Variants in PLCG2 observed in about 807,000 individuals in gnomAD.
PLCG2 encodes phospholipase C gamma 2.
In PLCG2, 69 loss-of-function variants were observed where a neutral mutation model predicts 175.6. The observed-to-expected ratio is 0.39, with a 90% CI of 0.32 to 0.48. The LOEUF (loss-of-function observed/expected upper bound fraction) is 0.48, where lower values mean the gene tolerates loss of function less well. Among genes scored for constraint, PLCG2 ranks in the 20% least tolerant of loss-of-function variants. PLCG2 has a pLI of 0.91. For synonymous variants in PLCG2, 827 were observed against 624.0 expected, an observed-to-expected ratio of 1.33 and a Z score of -4.85; for missense variants, 1,798 against 1,650.9, an observed-to-expected ratio of 1.09 and a Z score of -1.54.
chr16:81,740,801 A>G (rs1909577179), intron 1 of PLCG2, among the ~76,000 whole-genome samples: 1 of 139,032 alleles, frequency 7.2e-6, no homozygotes, highest in African/African-American at 2.7e-5. Context: ...TCCTCTTCCC[A>G]CTGTGGGTGC....
chr16:81,754,248 CCTCCTTCCCTTCCCTCCCCAT>C (rs1909872882), intron 1 of PLCG2, among the ~76,000 whole-genome samples: 1 of 149,498 alleles, frequency 6.7e-6, no homozygotes, highest in African/African-American at 2.5e-5. Context: ...CCCATCCCCA[CCTCCTTCCCTTCCCTCCCCAT>C]CTCATTCCCT....
intron 2 of PLCG2, among the ~76,000 whole-genome samples, chr16:81,849,418 T>G (rs1380136712): frequency 1.3e-5 from 2 of 152,168 alleles, no homozygotes; most frequent in African/African-American, 2.4e-5. Context: ...TCTTTAGTTA[T>G]GTATAATTTT....
At chr16:81,770,997 GC>G (rs1178636004) in intron 2 of PLCG2, among the ~76,000 whole-genome samples, 2 of 151,362 alleles carry the variant, frequency 1.3e-5, no homozygotes, top group African/African-American at 4.9e-5. Context: ...GGTGGAGCTT[GC>G]CGTGAGCCGA....
At chr16:81,925,974 T>C (rs11639731) in intron 22 of PLCG2, among the ~76,000 whole-genome samples, 151,252 of 152,142 alleles carry the variant, frequency 0.99, 75,191 homozygotes, top group East Asian at 1. Context: ...TGTGGCTGCT[T>C]GGATGACTGT....
At chr16:81,889,576 A>C (rs1321608457) in intron 10 of PLCG2, among the ~76,000 whole-genome samples, 1 of 151,828 alleles carries the variant, frequency 6.6e-6, no homozygotes, top group Non-Finnish European at 1.5e-5. Context: ...GCTGAATGGG[A>C]GACTGGAGTT....
intron 28 of PLCG2, 32 bp downstream of exon 28, chr16:81,937,935 G>C (rs185070425): frequency 5.6e-6 from 9 of 1,610,964 alleles, no homozygotes; most frequent in Non-Finnish European, 7.6e-6. Context: ...TGCCAGGGGA[G>C]CCAGCCGCCC....
At chr16:81,825,468 T>C (rs1905009340) in intron 2 of PLCG2, among the ~76,000 whole-genome samples, 1 of 152,036 alleles carries the variant, frequency 6.6e-6, no homozygotes, top group African/African-American at 2.4e-5. Context: ...TAGTTTTTTG[T>C]ATTTTTAGTA....
At chr16:81,901,726 T>C (rs80159077) in intron 14 of PLCG2, among the ~76,000 whole-genome samples, 5,054 of 152,340 alleles carry the variant, frequency 0.033, 265 homozygotes, top group African/African-American at 0.12. Context: ...TTTACAGTTA[T>C]TGCAAATATT....
intron 31 of PLCG2, among the ~76,000 whole-genome samples, chr16:81,949,834 A>C (rs1465506113): frequency 6.6e-6 from 1 of 152,220 alleles, no homozygotes; most frequent in Non-Finnish European, 1.5e-5. Context: ...AAGCAAAGGC[A>C]TGGAAAGGTA....
intron 2 of PLCG2, among the ~76,000 whole-genome samples, chr16:81,819,151 G>A (rs1361821785): frequency 6.6e-6 from 1 of 152,042 alleles, no homozygotes; most frequent in Non-Finnish European, 1.5e-5. Flanking sequence ...TTCAGTGGAG[G>A]TTGGCGGTGC....
In PLCG2 at chr16:81,788,679, A is replaced by G. The variant is rs117477174; in HGVS notation, c.193+2497A>G. ...CTTTGGTAGCTTGGTGTCATCCTTA[A>G]TTTGATGTATCCTATCATGAGTGTG... On this transcript the variant is annotated intron_variant, in intron 2 of 32. Transcript: ENST00000564138. Among the ~76,000 whole-genome samples the G allele has an allele frequency of 5.3e-3, 812 of 152,258 alleles. 1 individual carries two copies. The highest frequency in any genetic ancestry group is 0.014 in the Middle Eastern group (4 of 294).
Position 81,935,486 on chromosome 16 carries a change from C to T in PLCG2, c.2843-683C>T, listed in dbSNP as rs752927444. The T allele has an allele frequency of 5.9e-5, 58 of 976,524 alleles. 1 individual carries two copies. The highest frequency in any genetic ancestry group is 6.2e-5 in the Admixed American group (1 of 16,236). 60.5% of individuals were successfully genotyped at this position (976,524 alleles called of 1,614,324 possible). ...TAGCAAGCTTTTTGATGATGCTGTA[C>T]GTATTTTTTTCTTTGGGTGTTTTGA... On this transcript the variant is annotated intron_variant, in intron 26 of 32. Transcript: ENST00000564138.
intron 2 of PLCG2, among the ~76,000 whole-genome samples, chr16:81,765,312 A>G (rs1910124425): frequency 6.6e-6 from 1 of 152,370 alleles, no homozygotes; most frequent in African/African-American, 2.4e-5. Context: ...GCATGGGACA[A>G]TCTCCCGCAG....
chr16:81,876,122 C>T (rs1380708911), intron 7 of PLCG2, among the ~76,000 whole-genome samples: 2 of 148,328 alleles, frequency 1.3e-5, no homozygotes, highest in East Asian at 4.0e-4. Context: ...AACTCCCTGG[C>T]TCAGATGATT....
chr16:81,743,726 G>GAT (rs2143048616), intron 1 of PLCG2, among the ~76,000 whole-genome samples: 1 of 152,318 alleles, frequency 6.6e-6, no homozygotes, highest in East Asian at 1.9e-4. Context: ...TGGAGGTGAG[G>GAT]CCCATCCCAA....
intron 2 of PLCG2, among the ~76,000 whole-genome samples, chr16:81,807,934 A>C (rs982589179): frequency 6.6e-6 from 1 of 152,196 alleles, no homozygotes; most frequent in East Asian, 1.9e-4. Context: ...GAGATGGTGC[A>C]AAACCGTTAA....
At chr16:81,939,012 T>G in intron 29 of PLCG2, 97 bp downstream of exon 29, 1 of 717,550 alleles carries the variant, frequency 1.4e-6, no homozygotes, top group East Asian at 2.7e-5. Context: ...TGCTCTTTAG[T>G]TGTCCCAGGG....
chr16:81,907,375 A>G (rs1909421073), intron 15 of PLCG2, among the ~76,000 whole-genome samples: 1 of 152,194 alleles, frequency 6.6e-6, no homozygotes, highest in Admixed American at 6.5e-5. Context: ...CTGGCTGGGA[A>G]ATCCTGAAAG....
At chr16:81,932,873 G>A (rs975423369) in intron 25 of PLCG2, among the ~76,000 whole-genome samples, 1 of 152,204 alleles carries the variant, frequency 6.6e-6, no homozygotes, top group African/African-American at 2.4e-5. Flanking sequence ...AGCCAGCTGC[G>A]CTGTCCTTCT....
Sources: allele counts gnomAD v4.1 joint callset (sites outside exome capture counted in the v4.1 genomes callset), GRCh38; gene constraint gnomAD v4.1.1; transcripts MANE v1.5; gene names NCBI Gene and HGNC (gene_info 2026-07-23, HGNC 2026-07-21).